ANKRD36C: variants seen among roughly 807,000 people sequenced by gnomAD.
ANKRD36C encodes ankyrin repeat domain-containing protein 36C.
Under a neutral mutation model 276.4 loss-of-function variants are expected in ANKRD36C, and 61 were observed. The observed-to-expected ratio is 0.22, with a 90% CI of 0.18 to 0.27. The LOEUF (loss-of-function observed/expected upper bound fraction) is 0.27, where lower values mean the gene tolerates loss of function less well. ANKRD36C is among the 10% of genes least tolerant of loss of function. The pLI is 1.00. For synonymous variants in ANKRD36C, 483 were observed against 680.1 expected (o/e 0.71, Z 4.51); for missense variants, 1,447 against 2,032.3 (o/e 0.71, Z 5.54).
At chr2:95,849,540 C>G (rs1675242341), downstream of ANKRD36C, among the ~76,000 whole-genome samples, 1 of 152,174 alleles carries the variant, frequency 6.6e-6, no homozygotes, top group Non-Finnish European at 1.5e-5. Flanking sequence ...GATGGTGATT[C>G]AAGCGTATTA....
At chr2:95,871,033 C>A (rs559089115) in intron 59 of ANKRD36C, among the ~76,000 whole-genome samples, 1 of 152,166 alleles carries the variant, frequency 6.6e-6, no homozygotes, top group Non-Finnish European at 1.5e-5. Flanking sequence ...ACCAAATCTA[C>A]ATCTGATTGG....
At chr2:95,973,550 A>G (rs933251669) in intron 6 of ANKRD36C, among the ~76,000 whole-genome samples, 1 of 152,252 alleles carries the variant, frequency 6.6e-6, no homozygotes, top group African/African-American at 2.4e-5. Flanking sequence ...TTTGTTTCTA[A>G]TCTTTTTTCT....
intron 65 of ANKRD36C, 94 bp downstream of exon 85, chr2:95,852,032 A>G (rs547356168): frequency 1.5e-6 from 2 of 1,356,396 alleles, no homozygotes; most frequent in South Asian, 2.5e-5. Context: ...TCACAAAGAC[A>G]TACTAATTAT....
At chr2:95,936,389 A>G (rs72823948) in intron 22 of ANKRD36C, among the ~76,000 whole-genome samples, 1 of 145,862 alleles carries the variant, frequency 6.9e-6, no homozygotes, top group African/African-American at 2.5e-5. Context: ...CTCAAGAAAT[A>G]TATTTCTTGA....
At chr2:95,917,873 C>T (rs1344500136) in exon 36 of ANKRD36C, 7 of 1,604,160 alleles carry the variant, frequency 4.4e-6, no homozygotes, top group South Asian at 2.2e-5. Context: ...GATTTTTCTC[C>T]GTCCTTTATT....
chr2:95,866,526 A>C (rs549905153), intron 60 of ANKRD36C, among the ~76,000 whole-genome samples: 25 of 152,218 alleles, frequency 1.6e-4, no homozygotes, highest in Admixed American at 9.2e-4. Flanking sequence ...AAACACATGG[A>C]AAGATGCTCA....
chr2:95,922,705 C>CA (rs1677303946), intron 32 of ANKRD36C, among the ~76,000 whole-genome samples: 1 of 151,580 alleles, frequency 6.6e-6, no homozygotes, highest in African/African-American at 2.4e-5. Flanking sequence ...AAATAATATT[C>CA]ATTAAATAGT....
At chr2:95,941,031 AATTAT>A in intron 20 of ANKRD36C, 124 bp downstream of exon 20, 1 of 449,668 alleles carries the variant, frequency 2.2e-6, no homozygotes, top group Non-Finnish European at 3.2e-6. Flanking sequence ...TATTTTCAAA[AATTAT>A]ATTAAAGCAT....
At chr2:95,889,299 T>C (rs1239542397) in intron 48 of ANKRD36C, among the ~76,000 whole-genome samples, 2 of 151,570 alleles carry the variant, frequency 1.3e-5, no homozygotes, top group Non-Finnish European at 3.0e-5. Flanking sequence ...CCAAATTACA[T>C]AAATAACTTC....
chr2:95,900,841 G>A (rs1231422643), intron 42 of ANKRD36C, among the ~76,000 whole-genome samples, 174 bp downstream of exon 56: 2 of 123,994 alleles, frequency 1.6e-5, no homozygotes, highest in Admixed American at 8.9e-5. Context: ...TTACAGCAAA[G>A]ATCATGTTCC....
chr2:95,850,585 G>A (rs1486036820), downstream of ANKRD36C, among the ~76,000 whole-genome samples: 2 of 152,248 alleles, frequency 1.3e-5, no homozygotes, highest in Admixed American at 6.5e-5. Flanking sequence ...AAGGTGCAGA[G>A]TATGGTAAGT....
intron 42 of ANKRD36C, among the ~76,000 whole-genome samples, chr2:95,902,127 C>T (rs1225617593): frequency 6.7e-6 from 1 of 149,690 alleles, no homozygotes; most frequent in Non-Finnish European, 1.5e-5. Context: ...CAAGAGGTAG[C>T]TCCTTGAACA....
intron 46 of ANKRD36C, among the ~76,000 whole-genome samples, chr2:95,890,791 C>A (rs914669792): frequency 1.3e-5 from 2 of 151,438 alleles, no homozygotes; most frequent in African/African-American, 4.8e-5. Flanking sequence ...TTGAAAATGA[C>A]CATTTTAGGA....
intron 42 of ANKRD36C, among the ~76,000 whole-genome samples, chr2:95,911,309 C>G (rs1243689660): frequency 6.6e-6 from 1 of 151,436 alleles, no homozygotes; most frequent in African/African-American, 2.4e-5. Flanking sequence ...TAAAATGCTA[C>G]AAGCATTAGA....
intron 59 of ANKRD36C, among the ~76,000 whole-genome samples, chr2:95,870,867 G>C (rs553335124): frequency 6.6e-6 from 1 of 152,328 alleles, no homozygotes; most frequent in East Asian, 1.9e-4. Context: ...TATGTGAAGA[G>C]TGCAGAAGCC....
chr2:95,941,489 CTG>C (rs1677890526), intron 19 of ANKRD36C, among the ~76,000 whole-genome samples: 2 of 152,160 alleles, frequency 1.3e-5, no homozygotes, highest in Non-Finnish European at 2.9e-5. Context: ...TTCTGAGACA[CTG>C]TAAATTTAGG....
chr2:95,923,829 C>G, intron 30 of ANKRD36C, 140 bp from the exon 31 acceptor site: 1 of 1,276,234 alleles, frequency 7.8e-7, no homozygotes, highest in South Asian at 1.4e-5. Context: ...GGGACTGGAA[C>G]ATGACAGAAA....
chr2:95,908,143 C>A (rs1051962309), intron 42 of ANKRD36C, among the ~76,000 whole-genome samples: 2 of 150,096 alleles, frequency 1.3e-5, no homozygotes, highest in Non-Finnish European at 3.0e-5. Flanking sequence ...CTTTTCTTGG[C>A]AGTACGATCT....
At chr2:95,967,392 C>A (rs1052629222) in intron 6 of ANKRD36C, among the ~76,000 whole-genome samples, 2 of 152,174 alleles carry the variant, frequency 1.3e-5, no homozygotes, top group Non-Finnish European at 2.9e-5. Context: ...AAAAAAAGCT[C>A]ATCATCACTG....
Sources: allele counts gnomAD v4.1 joint callset (sites outside exome capture counted in the v4.1 genomes callset), GRCh38; gene constraint gnomAD v4.1.1; transcripts MANE v1.5; gene names NCBI Gene and HGNC (gene_info 2026-07-23, HGNC 2026-07-21).